The following FLRT2 variants were observed in gnomAD, a reference collection of about 807,000 sequenced individuals.
FLRT2 encodes the protein fibronectin leucine rich transmembrane protein 2.
Under a neutral mutation model 40.0 loss-of-function variants are expected in FLRT2, and 15 were observed. The observed-to-expected ratio is 0.38, with a 90% CI of 0.25 to 0.58. The LOEUF (loss-of-function observed/expected upper bound fraction) is 0.58, where lower values mean the gene tolerates loss of function less well. Ranked by LOEUF, FLRT2 falls within the 20% of genes least tolerant of loss-of-function variation. The probability of loss-of-function intolerance (pLI) is 0.71; values close to 1 mark genes in which losing one functional copy is unlikely to be tolerated. For missense variants in FLRT2, 726 were observed against 840.0 expected (o/e 0.86, Z 1.68); for synonymous variants, 380 against 336.8 (o/e 1.13, Z -1.41).
chr14:85,540,052 G>T (rs371922372), intron 1 of FLRT2, among the ~76,000 whole-genome samples: 2 of 151,930 alleles, frequency 1.3e-5, no homozygotes, highest in African/African-American at 2.4e-5. Flanking sequence ...TTTGGAAAGA[G>T]AATTTTGAGG....
intron 1 of FLRT2, among the ~76,000 whole-genome samples, chr14:85,616,247 A>C (rs1199592967): frequency 2.0e-5 from 3 of 151,900 alleles, no homozygotes; most frequent in African/African-American, 7.3e-5. Context: ...CATTCTTTAT[A>C]ATTTCTAGTT....
chr14:85,615,175 G>A (rs1031321632), intron 1 of FLRT2, among the ~76,000 whole-genome samples: 12 of 152,172 alleles, frequency 7.9e-5, no homozygotes, highest in African/African-American at 2.9e-4. Flanking sequence ...ATTTTAAAGG[G>A]AGCCAGGGAT....
At chr14:85,564,930 T>A (rs1004514525) in intron 1 of FLRT2, among the ~76,000 whole-genome samples, 1 of 152,196 alleles carries the variant, frequency 6.6e-6, no homozygotes, top group Non-Finnish European at 1.5e-5. Context: ...CTATGATCAC[T>A]AGTTATCTTG....
At chr14:85,540,448 A>T (rs1888919147) in intron 1 of FLRT2, among the ~76,000 whole-genome samples, 1 of 152,172 alleles carries the variant, frequency 6.6e-6, no homozygotes, top group Non-Finnish European at 1.5e-5. Context: ...TAAAGGTTCC[A>T]AGAGTGAGCA....
intron 1 of FLRT2, among the ~76,000 whole-genome samples, chr14:85,535,863 T>G (rs1888612082): frequency 6.8e-6 from 1 of 146,878 alleles, no homozygotes; most frequent in Non-Finnish European, 1.5e-5. Context: ...TAGCAGAACC[T>G]ATTACAAACC....
Position 85,639,343 on chromosome 14 carries a change from C to G in FLRT2, c.*15846C>G, listed in dbSNP as rs1894089807. On this transcript the variant is annotated 3_prime_UTR_variant, in exon 2 of 2. Transcript: ENST00000330753. ...CAGGAGTAAAAGATAATCGAATTCT[C>G]TTTGTGAAGTGATTTATGGTTTTAA... 1 of 152,098 alleles carries G rather than the reference C, an allele frequency of 6.6e-6. No homozygotes were observed. The highest frequency in any genetic ancestry group is 1.5e-5 in the Non-Finnish European group (1 of 68,016). 9.4% of individuals were successfully genotyped at this position (152,098 alleles called of 1,614,324 possible). A position where few individuals can be genotyped will look rare whatever the true frequency, so the allele number is the denominator to read the frequency against.
intron 1 of FLRT2, among the ~76,000 whole-genome samples, chr14:85,580,975 A>C (rs528198266): frequency 1.2e-4 from 19 of 152,356 alleles, no homozygotes; most frequent in Non-Finnish European, 2.1e-4. Flanking sequence ...TGAGAAGTCC[A>C]TAGTGATGAT....
At position 85,630,283 on chromosome 14, in the gene FLRT2, GTC is replaced by G. The variant is rs1305999868; in HGVS notation, c.*6788_*6789del. ...CACATACCAATGGGTGATCATATCT[GTC>G]TTTTTTTTTTTTTTTTTTTTTTGGT... On this transcript the variant is annotated 3_prime_UTR_variant, in exon 2 of 2. Transcript: ENST00000330753. The G allele has an allele frequency of 1.4e-5, 1 of 73,368 alleles. No homozygotes were observed. Among genetic ancestry groups the G allele is most frequent in the Non-Finnish European group, 2.4e-5 (1 of 41,286 alleles). The allele number at this position is 73,368 out of a possible 1,614,324, so 4.5% of individuals were successfully genotyped here. A position where few individuals can be genotyped will look rare whatever the true frequency, so the allele number is the denominator to read the frequency against.
rs1180082957 is a variant in FLRT2 at position 85,645,159 on chromosome 14, C to A, written c.*21662C>A. 1 of 151,224 alleles carries A rather than the reference C, an allele frequency of 6.6e-6. No individual in the cohort carries two copies. Among genetic ancestry groups the A allele is most frequent in the Non-Finnish European group, 1.5e-5 (1 of 67,852 alleles). 9.4% of individuals were successfully genotyped at this position (151,224 alleles called of 1,614,324 possible). ...CAAGTAAAAAGTATATATATACACACATATGTGTGTATGTATATGTATACC... is the reference window on the plus strand; with the variant it reads ...CAAGTAAAAAGTATATATATACACAAATATGTGTGTATGTATATGTATACC... On this transcript the variant is annotated 3_prime_UTR_variant, in exon 2 of 2. Transcript: ENST00000330753.
In FLRT2 at chr14:85,629,423, A is replaced by G. The variant is rs1325821928; in HGVS notation, c.*5926A>G. The G allele has an allele frequency of 1.3e-5, 2 of 152,238 alleles. No homozygotes were observed. The highest frequency in any genetic ancestry group is 3.8e-4 in the East Asian group (2 of 5,202). The allele number at this position is 152,238 out of a possible 1,614,324, so 9.4% of individuals were successfully genotyped here. A position where few individuals can be genotyped will look rare whatever the true frequency, so the allele number is the denominator to read the frequency against. ...GACATTTAAATTTTTATTAAGCACCACGATGGAACTCAATCTAAAGGAATA... is the reference window on the plus strand; with the variant it reads ...GACATTTAAATTTTTATTAAGCACCGCGATGGAACTCAATCTAAAGGAATA... On this transcript the variant is annotated 3_prime_UTR_variant, in exon 2 of 2. Coordinates refer to ENST00000330753, the MANE Select transcript of FLRT2 (RefSeq NM_013231.6).
chr14:85,536,823 G>A (rs1243201609), intron 1 of FLRT2, among the ~76,000 whole-genome samples: 3 of 152,102 alleles, frequency 2.0e-5, no homozygotes, highest in Admixed American at 1.3e-4. Context: ...TAATAGAGAG[G>A]CAACTAAATG....
intron 1 of FLRT2, among the ~76,000 whole-genome samples, chr14:85,531,410 G>T (rs1306116876): frequency 1.3e-5 from 2 of 152,184 alleles, no homozygotes; most frequent in African/African-American, 4.8e-5. Flanking sequence ...TGACCAGTAC[G>T]GGGCTCGCTC....
intron 1 of FLRT2, among the ~76,000 whole-genome samples, chr14:85,598,461 G>A (rs903203290): frequency 6.6e-6 from 1 of 152,210 alleles, no homozygotes; most frequent in South Asian, 2.1e-4. Context: ...TTGGGGTGCA[G>A]TGCACAAGTG....
chr14:85,597,559 T>C (rs1278478974), intron 1 of FLRT2, among the ~76,000 whole-genome samples: 1 of 152,190 alleles, frequency 6.6e-6, no homozygotes, highest in Non-Finnish European at 1.5e-5. Flanking sequence ...GTCAACTTTA[T>C]ATATATATTT....
In FLRT2 at chr14:85,622,919, C is replaced by T. The variant is rs755278961; in HGVS notation, c.1405C>T (p.Arg469Cys). The T allele has an allele frequency of 1.4e-5, 22 of 1,614,022 alleles. No individual in the cohort carries two copies. In the Admixed American group the frequency reaches 1.5e-4, roughly 11 times the overall value. Residue 469 changes from arginine to cysteine, a missense_variant, in exon 2 of 2, where the codon CGC becomes TGC. This residue lies in a region of FLRT2 where 611 missense variants were observed against 690.0 expected (regional missense o/e 0.89). Transcript: ENST00000330753. Reference sequence around the variant, plus strand: ...TTTAGTAGGGGGCATCGTTCAGGAGCGCATAGTCAGCGGTGAGAAGCAACA... The same window carrying T: ...TTTAGTAGGGGGCATCGTTCAGGAGTGCATAGTCAGCGGTGAGAAGCAACA... The part of the protein sequence containing the change: ...HSLVGGIVQE[R>C]IVSGEKQHLS...
In FLRT2 at chr14:85,639,091, A is replaced by T. The variant is rs1156552444; in HGVS notation, c.*15594A>T. The T allele has an allele frequency of 6.6e-6, 1 of 152,150 alleles. No homozygotes were observed. Among genetic ancestry groups the T allele is most frequent in the Non-Finnish European group, 1.5e-5 (1 of 68,038 alleles). The allele number at this position is 152,150 out of a possible 1,614,324, so 9.4% of individuals were successfully genotyped here. A position where few individuals can be genotyped will look rare whatever the true frequency, so the allele number is the denominator to read the frequency against. Reference sequence around the variant, plus strand: ...ATAAAAACTAAACTGAAACCAAAAGAATTTCCAGAGCAGGCAGTCTCTATT... The same window carrying T: ...ATAAAAACTAAACTGAAACCAAAAGTATTTCCAGAGCAGGCAGTCTCTATT... On this transcript the variant is annotated 3_prime_UTR_variant, in exon 2 of 2. Transcript: ENST00000330753.
rs1452438228 is a variant in FLRT2, at chr14:85,578,553, C to T, written c.-376-42586C>T. On this transcript the variant is annotated intron_variant, in intron 1 of 1. Transcript: ENST00000330753. ...CAGCTTATAAATCAGAGGCAGAGCA[C>T]AGGGAAGGAGGACAGGCCTGACCTC... Among the ~76,000 whole-genome samples the T allele has an allele frequency of 3.9e-5, 6 of 152,148 alleles. No individual in the cohort carries two copies. The East Asian group carries it at 1.2e-3, about 29-fold the overall frequency.
At chr14:85,575,362 A>G (rs1347232800) in intron 1 of FLRT2, among the ~76,000 whole-genome samples, 1 of 152,086 alleles carries the variant, frequency 6.6e-6, no homozygotes, top group Non-Finnish European at 1.5e-5. Context: ...ACTCAAAAAT[A>G]TCTACTAATA....
intron 1 of FLRT2, among the ~76,000 whole-genome samples, chr14:85,578,121 A>T (rs531499340): frequency 7.7e-4 from 112 of 145,778 alleles, no homozygotes; most frequent in African/African-American, 2.5e-3. Context: ...TATATATATA[A>T]AAATATCTGT....
Sources: gnomAD v4.1 joint callset for allele counts (sites outside exome capture counted in the v4.1 genomes callset) on GRCh38, gnomAD v4.1.1 for gene constraint, gnomAD v4.1.1 regional missense constraint, MANE v1.5 for transcripts, NCBI Gene and HGNC (gene_info 2026-07-23, HGNC 2026-07-21) for gene names.